DIAPH3: variants seen among roughly 807,000 people sequenced by gnomAD.
DIAPH3 encodes protein diaphanous homolog 3.
Under a neutral mutation model 144.3 loss-of-function variants are expected in DIAPH3, and 117 were observed. The ratio of observed to expected loss-of-function variants is 0.81; its 90% CI spans 0.70 to 0.95. The LOEUF (loss-of-function observed/expected upper bound fraction) is 0.95, where lower values mean the gene tolerates loss of function less well. Among genes scored for constraint, DIAPH3 ranks in the 40% least tolerant of loss-of-function variants. DIAPH3 has a pLI of 0.00. For synonymous variants in DIAPH3, 519 were observed against 488.9 expected (o/e 1.06, Z -0.81); for missense variants, 1,421 against 1,412.7 (o/e 1.01, Z -0.09).
At chr13:60,147,657 T>C (rs1346674677) in intron 1 of DIAPH3, among the ~76,000 whole-genome samples, 1 of 152,252 alleles carries the variant, frequency 6.6e-6, no homozygotes, top group South Asian at 2.1e-4. Flanking sequence ...CTTGTAAAAA[T>C]ACATTGCAAT....
intron 4 of DIAPH3, among the ~76,000 whole-genome samples, chr13:60,080,079 C>T (rs965114050): frequency 6.6e-6 from 1 of 151,748 alleles, no homozygotes; most frequent in Non-Finnish European, 1.5e-5. Context: ...CTCCAGGAAA[C>T]AAAGTATAGT....
intron 1 of DIAPH3, among the ~76,000 whole-genome samples, chr13:60,162,235 C>T (rs1481163452): frequency 1.3e-5 from 2 of 152,166 alleles, no homozygotes; most frequent in Admixed American, 6.5e-5. Context: ...TTCAATGAAA[C>T]TTAACATAAA....
chr13:60,155,843 T>C (rs1051610684), intron 1 of DIAPH3, among the ~76,000 whole-genome samples: 3 of 152,228 alleles, frequency 2.0e-5, no homozygotes, highest in African/African-American at 7.2e-5. Context: ...TTGGTTGTTA[T>C]TCCAGTGGTG....
rs2053037629 is a variant in DIAPH3 at position 60,008,533 on chromosome 13, A to T, written c.1014+11T>A. On this transcript the variant is annotated intron_variant, in intron 9 of 27. Transcript: ENST00000400324. ...ATTTAAAAACAGATTTTATATACAC[A>T]CAAAACTTACTTGCAGTTGAACTGA... 1.3e-6 allele frequency: 2 copies of T among 1,592,618 alleles called. No individual in the cohort carries two copies. The highest frequency in any genetic ancestry group is 2.7e-5 in the African/African-American group (2 of 74,538).
intron 1 of DIAPH3, among the ~76,000 whole-genome samples, chr13:60,137,928 T>A (rs552955582): frequency 4.6e-5 from 7 of 152,130 alleles, no homozygotes; most frequent in African/African-American, 1.7e-4. Context: ...TTCGCCATGT[T>A]GGCCAGACTA....
intron 22 of DIAPH3, among the ~76,000 whole-genome samples, chr13:59,843,732 GT>G: frequency 1.3e-5 from 2 of 152,334 alleles, no homozygotes; most frequent in South Asian, 4.1e-4. Flanking sequence ...AGATTTAAAT[GT>G]AATTGACCAA....
intron 4 of DIAPH3, among the ~76,000 whole-genome samples, chr13:60,067,729 ATTT>A (rs2057026087): frequency 1.3e-5 from 2 of 152,218 alleles, no homozygotes; most frequent in Non-Finnish European, 1.5e-5. Context: ...TTTCTAAACA[ATTT>A]TTTAACTCTT....
chr13:60,032,626 C>A (rs2054889869), intron 5 of DIAPH3, among the ~76,000 whole-genome samples: 1 of 152,212 alleles, frequency 6.6e-6, no homozygotes, highest in Non-Finnish European at 1.5e-5. Context: ...TTGCACAGAG[C>A]AGCAGGGTCC....
intron 5 of DIAPH3, among the ~76,000 whole-genome samples, chr13:60,025,552 T>C (rs1181281176): frequency 1.4e-5 from 2 of 145,530 alleles, no homozygotes; most frequent in African/African-American, 5.1e-5. Context: ...GAGAACCAAG[T>C]AAACCTGACA....
At chr13:59,988,134 T>C (rs1226853631) in intron 12 of DIAPH3, among the ~76,000 whole-genome samples, 4 of 151,856 alleles carry the variant, frequency 2.6e-5, no homozygotes, top group African/African-American at 4.8e-5. Flanking sequence ...CTAGCAAAGA[T>C]GACTAATGAT....
intron 20 of DIAPH3, among the ~76,000 whole-genome samples, chr13:59,899,848 T>C (rs1208742721): frequency 2.7e-5 from 4 of 150,752 alleles, no homozygotes; most frequent in Admixed American, 6.7e-5. Context: ...GAGATCAATA[T>C]AAGTCACAGT....
chr13:60,105,531 T>G (rs995315398), intron 3 of DIAPH3, among the ~76,000 whole-genome samples: 7 of 152,150 alleles, frequency 4.6e-5, no homozygotes, highest in African/African-American at 1.2e-4. Flanking sequence ...ACACAACCCA[T>G]GAATCAACTT....
chr13:59,933,757 G>A (rs528812656), intron 17 of DIAPH3, among the ~76,000 whole-genome samples: 108 of 152,252 alleles, frequency 7.1e-4, no homozygotes, highest in African/African-American at 2.5e-3. Flanking sequence ...TGAAGTCAAA[G>A]ATGACAAAAG....
chr13:59,690,276 T>A (rs542004270), intron 27 of DIAPH3, among the ~76,000 whole-genome samples: 1 of 152,284 alleles, frequency 6.6e-6, no homozygotes, highest in East Asian at 1.9e-4. Context: ...TACTTTACCT[T>A]TTCTTCAGCA....
intron 4 of DIAPH3, among the ~76,000 whole-genome samples, chr13:60,082,557 T>A (rs1594614228): frequency 1.3e-5 from 2 of 148,566 alleles, no homozygotes; most frequent in East Asian, 1.9e-4. Context: ...GAAAAAAAAA[T>A]AGTATTATTC....
intron 1 of DIAPH3, among the ~76,000 whole-genome samples, chr13:60,152,055 T>G (rs1951812727): frequency 6.6e-6 from 1 of 152,220 alleles, no homozygotes; most frequent in African/African-American, 2.4e-5. Flanking sequence ...TTACAAAGTT[T>G]CATTTTATGA....
intron 20 of DIAPH3, among the ~76,000 whole-genome samples, chr13:59,888,566 T>C (rs1183773356): frequency 1.3e-5 from 2 of 152,138 alleles, no homozygotes; most frequent in Admixed American, 6.5e-5. Flanking sequence ...GATTAATACA[T>C]CTTAATGTAT....
At chr13:59,944,794 A>AG (rs36116687) in intron 17 of DIAPH3, among the ~76,000 whole-genome samples, 52,145 of 147,858 alleles carry the variant, frequency 0.35, 9,447 homozygotes, top group Admixed American at 0.42. Flanking sequence ...TTAGAAAAAA[A>AG]GGGGGGGGGC....
intron 27 of DIAPH3, among the ~76,000 whole-genome samples, chr13:59,694,290 C>T (rs2033681507): frequency 6.6e-6 from 1 of 152,068 alleles, no homozygotes; most frequent in East Asian, 1.9e-4. Flanking sequence ...AAAATCTCGT[C>T]TCAGGTCAGG....
Sources: allele counts gnomAD v4.1 joint callset (sites outside exome capture counted in the v4.1 genomes callset), GRCh38; gene constraint gnomAD v4.1.1; transcripts MANE v1.5; gene names NCBI Gene and HGNC (gene_info 2026-07-23, HGNC 2026-07-21).